The following NPSR1 variants were observed in gnomAD, a reference collection of about 807,000 sequenced individuals.
NPSR1 encodes neuropeptide S receptor 1.
Under a neutral mutation model 46.9 loss-of-function variants are expected in NPSR1, and 48 were observed. The observed-to-expected ratio is 1.02, with a 90% CI of 0.81 to 1.30. The LOEUF (loss-of-function observed/expected upper bound fraction) is 1.30, where lower values mean the gene tolerates loss of function less well. Ranked by LOEUF, NPSR1 falls within the 50% of genes most tolerant of loss-of-function variation. The pLI is 0.00. For synonymous variants in NPSR1, 176 were observed against 168.1 expected (o/e 1.05, Z -0.36); for missense variants, 450 against 449.5 (o/e 1.00, Z -0.01).
At chr7:34,724,078 T>C (rs946910892) in intron 2 of NPSR1, among the ~76,000 whole-genome samples, 1 of 152,234 alleles carries the variant, frequency 6.6e-6, no homozygotes. Context: ...TCCATTATAC[T>C]TTCACTTTCA....
At chr7:34,840,242 G>A (rs1264657284) in intron 6 of NPSR1, among the ~76,000 whole-genome samples, 1 of 152,086 alleles carries the variant, frequency 6.6e-6, no homozygotes, top group Non-Finnish European at 1.5e-5. Flanking sequence ...GACAAGAAAG[G>A]GACAATAAGA....
chr7:34,769,962 C>G (rs981632780), intron 2 of NPSR1, among the ~76,000 whole-genome samples: 1 of 152,182 alleles, frequency 6.6e-6, no homozygotes, highest in African/African-American at 2.4e-5. Flanking sequence ...TGCTCAATTA[C>G]TTAGGTAACT....
At chr7:34,827,984 A>G (rs1415687647) in intron 5 of NPSR1, among the ~76,000 whole-genome samples, 2 of 152,222 alleles carry the variant, frequency 1.3e-5, no homozygotes, top group Admixed American at 1.3e-4. Context: ...TTTTTCTGAA[A>G]TCATACCATA....
At chr7:34,675,771 CT>C (rs1332994756) in intron 1 of NPSR1, among the ~76,000 whole-genome samples, 9 of 152,252 alleles carry the variant, frequency 5.9e-5, no homozygotes, top group Non-Finnish European at 1.2e-4. Context: ...CTGCAGAAAA[CT>C]GATGTCACTG....
chr7:34,758,664 C>A (rs1786004000), intron 2 of NPSR1, among the ~76,000 whole-genome samples: 1 of 152,178 alleles, frequency 6.6e-6, no homozygotes, highest in Non-Finnish European at 1.5e-5. Context: ...GTACCCTGTA[C>A]ACATATTCCT....
intron 1 of NPSR1, among the ~76,000 whole-genome samples, chr7:34,661,441 C>T (rs1056779478): frequency 1.3e-5 from 2 of 152,156 alleles, no homozygotes; most frequent in African/African-American, 4.8e-5. Context: ...GTCCACTTAC[C>T]TAGGCTCCTG....
chr7:34,789,469 A>C (rs1230617561), intron 3 of NPSR1, among the ~76,000 whole-genome samples: 1 of 147,336 alleles, frequency 6.8e-6, no homozygotes, highest in African/African-American at 2.4e-5. Flanking sequence ...TACCATAGAA[A>C]CAAAAAGCAT....
In NPSR1 at chr7:34,849,758, C is replaced by G. The variant is rs1425516402; in HGVS notation, c.*103C>G. On this transcript the variant is annotated 3_prime_UTR_variant, in exon 9 of 9. Transcript: ENST00000360581. Reference sequence around the variant, plus strand: ...GGAACCCGAGCCAACTTCACCCCACCCTCGTCATTACCTGGGAGATGCACA... The same window carrying G: ...GGAACCCGAGCCAACTTCACCCCACGCTCGTCATTACCTGGGAGATGCACA... 1.3e-6 allele frequency: 2 copies of G among 1,559,860 alleles called. No individual in the cohort carries two copies. Among genetic ancestry groups the G allele is most frequent in the Non-Finnish European group, 8.7e-7 (1 of 1,154,414 alleles).
At chr7:34,804,638 C>T (rs1788599786) in intron 3 of NPSR1, among the ~76,000 whole-genome samples, 1 of 151,334 alleles carries the variant, frequency 6.6e-6, no homozygotes, top group African/African-American at 2.4e-5. Flanking sequence ...CCTCTCTCGC[C>T]ACTCCCATTC....
intron 4 of NPSR1, among the ~76,000 whole-genome samples, chr7:34,818,429 A>G (rs549900510): frequency 6.6e-6 from 1 of 152,322 alleles, no homozygotes; most frequent in East Asian, 1.9e-4. Flanking sequence ...GGACACAAAC[A>G]AATGGAAGAA....
chr7:34,770,874 G>A (rs1170168813), intron 2 of NPSR1, among the ~76,000 whole-genome samples: 4 of 152,138 alleles, frequency 2.6e-5, no homozygotes, highest in Non-Finnish European at 5.9e-5. Context: ...CTTCCAAGAT[G>A]GTGCCTTGCA....
At chr7:34,811,090 C>T (rs1214488296) in intron 3 of NPSR1, among the ~76,000 whole-genome samples, 2 of 152,114 alleles carry the variant, frequency 1.3e-5, no homozygotes, top group African/African-American at 4.8e-5. Context: ...TGTTATAGTG[C>T]TGTTTTAACT....
intron 2 of NPSR1, among the ~76,000 whole-genome samples, chr7:34,705,486 A>G (rs1236918848): frequency 6.7e-6 from 1 of 150,174 alleles, no homozygotes; most frequent in East Asian, 1.9e-4. Flanking sequence ...ACTTTCTCTC[A>G]TCTTTTAGTA....
At chr7:34,852,737 G>A (rs867275950), downstream of NPSR1, among the ~76,000 whole-genome samples, 3 of 152,108 alleles carry the variant, frequency 2.0e-5, no homozygotes, top group Non-Finnish European at 2.9e-5. Context: ...ATGCCCATGT[G>A]GAATCAGAGA....
intron 2 of NPSR1, among the ~76,000 whole-genome samples, chr7:34,747,887 G>A (rs929349796): frequency 2.0e-5 from 3 of 152,278 alleles, no homozygotes; most frequent in East Asian, 3.9e-4. Flanking sequence ...CTGGGGTGAT[G>A]GGTGGGACGA....
intron 3 of NPSR1, among the ~76,000 whole-genome samples, chr7:34,792,880 T>C (rs1788002393): frequency 8.1e-6 from 1 of 123,600 alleles, no homozygotes; most frequent in Admixed American, 8.1e-5. Flanking sequence ...AGAGACCCTG[T>C]CTCAAAACAA....
chr7:34,874,642 A>G (rs185515327), intron 8 of NPSR1, among the ~76,000 whole-genome samples: 2 of 152,206 alleles, frequency 1.3e-5, no homozygotes, highest in African/African-American at 4.8e-5. Flanking sequence ...AAAGGGTTGG[A>G]TCTTTGGAGC....
At chr7:34,659,381 A>T (rs1188955581) in intron 1 of NPSR1, among the ~76,000 whole-genome samples, 2 of 152,304 alleles carry the variant, frequency 1.3e-5, no homozygotes, top group East Asian at 3.9e-4. Context: ...GGTCCTTTCC[A>T]CTGAAGAAAA....
chr7:34,660,761 C>T (rs531204915), intron 1 of NPSR1, among the ~76,000 whole-genome samples: 1 of 152,266 alleles, frequency 6.6e-6, no homozygotes, highest in South Asian at 2.1e-4. Context: ...TCCTTCCGGT[C>T]CTGCCTTCCA....
Sources: gnomAD v4.1 joint callset for allele counts (sites outside exome capture counted in the v4.1 genomes callset) on GRCh38, gnomAD v4.1.1 for gene constraint, MANE v1.5 for transcripts, NCBI Gene and HGNC (gene_info 2026-07-23, HGNC 2026-07-21) for gene names.